Variants in KLF11 observed in about 807,000 individuals in gnomAD.
The protein encoded by KLF11 is Krueppel-like factor 11.
A neutral mutation model predicts 29.9 loss-of-function variants in KLF11; 26 were observed. That is an observed-to-expected ratio of 0.87 (90% CI 0.64 to 1.21). The LOEUF is 1.21. Among genes scored for constraint, KLF11 ranks in the 50% most tolerant of loss-of-function variants. KLF11 has a pLI of 0.00. For missense variants in KLF11, 778 were observed against 665.7 expected (o/e 1.17, Z -1.86); for synonymous variants, 318 against 257.4 (o/e 1.24, Z -2.25).
intron 1 of KLF11, among the ~76,000 whole-genome samples, chr2:10,045,762 A>G (rs988941389): frequency 2.0e-5 from 3 of 152,268 alleles, no homozygotes; most frequent in African/African-American, 7.2e-5. Flanking sequence ...GGCCACTGGC[A>G]GACCGACTAG....
At chr2:10,044,572 G>A (rs1661120995) in intron 1 of KLF11, 1 of 333,890 alleles carries the variant, frequency 3.0e-6, no homozygotes, top group South Asian at 1.2e-4. Context: ...AACCTCGGCA[G>A]ACGGAAAGCT....
intron 1 of KLF11, 39 bp from the exon 2 acceptor site, chr2:10,046,111 C>T: frequency 6.2e-7 from 1 of 1,612,296 alleles, no homozygotes; most frequent in Non-Finnish European, 8.5e-7. Flanking sequence ...CTCTGTATTT[C>T]CCCTGCACTG....
At position 10,043,685 on chromosome 2, in the gene KLF11, G is replaced by T; in HGVS notation, c.-32G>T. On this transcript the variant is annotated 5_prime_UTR_variant, in exon 1 of 4. Coordinates refer to ENST00000305883, the MANE Select transcript of KLF11 (RefSeq NM_003597.5). ...TGCTGCGCCCGAGCTCACGCCCCGC[G>T]GCCGCTTTGTTGCTCCCGGCCGGCC... 1 of 1,298,754 alleles carries T rather than the reference G, an allele frequency of 7.7e-7. No individual in the cohort carries two copies. Among genetic ancestry groups the T allele is most frequent in the South Asian group, 1.4e-5 (1 of 73,338 alleles). 80.5% of individuals were successfully genotyped at this position (1,298,754 alleles called of 1,614,324 possible). A position where few individuals can be genotyped will look rare whatever the true frequency, so the allele number is the denominator to read the frequency against.
rs2125274142 is a variant in KLF11, at chr2:10,043,551, C to T, written c.-166C>T. ...CCGCGGCCGCCCCGCCCCTCCCGCG[C>T]CGCGAGGGCCGCGCCGGGGCAGAGC... is the stretch of plus-strand genomic sequence containing the variant. On this transcript the variant is annotated 5_prime_UTR_variant, in exon 1 of 4. Transcript: ENST00000305883. The T allele has an allele frequency of 1.4e-5, 4 of 283,092 alleles. No individual in the cohort carries two copies. Among genetic ancestry groups the T allele is most frequent in the Non-Finnish European group, 2.1e-5 (4 of 191,128 alleles). The allele number at this position is 283,092 out of a possible 1,614,324, so 17.5% of individuals were successfully genotyped here. A position where few individuals can be genotyped will look rare whatever the true frequency, so the allele number is the denominator to read the frequency against.
rs541661662 is a variant in KLF11 at position 10,047,679 on chromosome 2, C to T, written c.342C>T (p.Leu114=). 61 of 1,613,338 alleles carry T rather than the reference C, an allele frequency of 3.8e-5. No homozygotes were observed. The highest frequency in any genetic ancestry group is 1.3e-4 in the East Asian group (6 of 44,876). The change falls in exon 3 of 4, where the codon CTC becomes CTT. Residue 114 remains leucine, a synonymous_variant. Coordinates refer to ENST00000305883, the MANE Select transcript of KLF11 (RefSeq NM_003597.5). ...TAACTCCTCCTCAGAGCCCTGATCT[C>T]GTGGAGCCATCGACAAGGACACCTG... ...LCITPPQSPD[L]VEPSTRTPVS...
chr2:10,046,306 T>A lies in KLF11; in HGVS notation c.199T>A (p.Leu67Met), dbSNP rs1389579110. Residue 67 changes from leucine (L) to methionine (M), a missense_variant, in exon 2 of 4, where the codon TTG becomes ATG. Transcript: ENST00000305883. Reference protein sequence around the residue: ...WGQRSQKGDLLRIRPLTPVSD... With the variant: ...WGQRSQKGDLMRIRPLTPVSD... The stretch of plus-strand genomic sequence containing the variant: ...TCAAAGATCCCAGAAAGGTGACCTG[T>A]TGCGGATAAGACCCCTCACGCCTGT... The A allele has an allele frequency of 6.2e-7, 1 of 1,614,212 alleles. No homozygotes were observed. Among genetic ancestry groups the A allele is most frequent in the African/African-American group, 1.3e-5 (1 of 75,036 alleles).
chr2:10,048,175 G>T lies in KLF11; in HGVS notation c.838G>T (p.Val280Phe), dbSNP rs548146556. Residue 280 changes from valine to phenylalanine, a missense_variant, in exon 3 of 4, where the codon GTC (valine) becomes TTC (phenylalanine). Physicochemically the swap from Val to Phe is conservative, Grantham distance 50 (BLOSUM62 -1). Transcript: ENST00000305883. Reference protein sequence around the residue: ...RKTTPLISVSVPAPPVLCQMI... With the variant: ...RKTTPLISVSFPAPPVLCQMI... ...AACCACCCCTCTGATTTCTGTCTCT[G>T]TCCCTGCTCCCCCTGTCCTTTGCCA... 6.2e-7 allele frequency: 1 copy of T among 1,614,186 alleles called. No homozygotes were observed. Among genetic ancestry groups the T allele is most frequent in the East Asian group, 2.2e-5 (1 of 44,882 alleles).
At position 10,044,457 on chromosome 2, in the gene KLF11, T is replaced by C. The variant is rs145278934; in HGVS notation, c.42+699T>C. On this transcript the variant is annotated intron_variant, in intron 1 of 3. Transcript: ENST00000305883. ...AGCCCCTTCCCGCCCGTGTGGTGAG[T>C]CGGCCTCGGCGCCCGGTTCTGTGAC... 1,192 of 984,904 alleles carry C rather than the reference T, an allele frequency of 1.2e-3. 14 individuals are homozygous for C. The African/African-American group carries it at 0.02, about 16-fold the overall frequency. The allele number at this position is 984,904 out of a possible 1,614,324, so 61.0% of individuals were successfully genotyped here.
intron 1 of KLF11, chr2:10,043,985 G>A: frequency 1.2e-6 from 1 of 848,766 alleles, no homozygotes; most frequent in Non-Finnish European, 1.4e-6. Flanking sequence ...TCCCCGCGCA[G>A]CTTTGTCTTG....
chr2:10,044,952 C>G (rs1485800182), intron 1 of KLF11, among the ~76,000 whole-genome samples: 1 of 152,190 alleles, frequency 6.6e-6, no homozygotes, highest in Non-Finnish European at 1.5e-5. Flanking sequence ...TCGAGACCAG[C>G]TTGACCAACA....
intron 1 of KLF11, chr2:10,044,064 T>A: frequency 4.3e-6 from 3 of 705,034 alleles, no homozygotes; most frequent in Non-Finnish European, 5.2e-6. Flanking sequence ...CCCGGTCCTG[T>A]GAGCCGGACG....
At chr2:10,047,588 T>G in intron 2 of KLF11, 62 bp from the exon 3 acceptor site, 1 of 1,327,728 alleles carries the variant, frequency 7.5e-7, no homozygotes, top group South Asian at 1.2e-5. Flanking sequence ...GGGAGCATTG[T>G]GATGAATTAA....
At chr2:10,043,791 C>A (rs1331848712) in intron 1 of KLF11, 33 bp downstream of exon 1, 1 of 1,352,320 alleles carries the variant, frequency 7.4e-7, no homozygotes, top group South Asian at 1.3e-5. Flanking sequence ...CGGGACTACT[C>A]GTCTGAGCGA....
In KLF11 at chr2:10,048,369, C is replaced by G; in HGVS notation, c.1032C>G (p.Pro344=). 1 of 1,612,014 alleles carries G rather than the reference C, an allele frequency of 6.2e-7. No homozygotes were observed. Among genetic ancestry groups the G allele is most frequent in the African/African-American group, 1.3e-5 (1 of 75,016 alleles). ...VPQGAVMLVL[P]QGALPPPAPC... ...AGGGAGCTGTGATGTTGGTCCTGCC[C>G]CAGGGAGCCCTCCCTCCGCCTGCCC... The change falls in exon 3 of 4, where the codon CCC becomes CCG. Residue 344 remains proline (P), a synonymous_variant. Transcript: ENST00000305883.
chr2:10,044,521 G>T (rs1412354029), intron 1 of KLF11: 4 of 871,516 alleles, frequency 4.6e-6, no homozygotes, highest in Non-Finnish European at 5.5e-6. Context: ...CGGGACAGAG[G>T]CCGGGGATTT....
chr2:10,052,434 T>A lies in KLF11; in HGVS notation c.1466T>A (p.Val489Asp), dbSNP rs755600605. The change falls in exon 4 of 4, where the codon GTT becomes GAT. Residue 489 changes from valine (V) to aspartate (D), a missense_variant. Val to Asp is a radical substitution (Grantham distance 152). Coordinates refer to ENST00000305883, the MANE Select transcript of KLF11 (RefSeq NM_003597.5). ...AAGATCCCAGGCTGGCAGGCAGAGG[T>A]TGGCAAGCTGAACAGAATCGCCTCT... ...TKKIPGWQAE[V>D]GKLNRIASAE... 1.2e-6 allele frequency: 2 copies of A among 1,613,800 alleles called. No homozygotes were observed. The highest frequency in any genetic ancestry group is 1.7e-5 in the Admixed American group (1 of 59,998).
chr2:10,051,642 C>G (rs1661408412), intron 3 of KLF11, among the ~76,000 whole-genome samples: 1 of 152,092 alleles, frequency 6.6e-6, no homozygotes, highest in East Asian at 1.9e-4. Context: ...CTTAGCCTCC[C>G]AAGTAGCTGG....
In KLF11 at chr2:10,052,307, A is replaced by G. The variant is rs1309337076; in HGVS notation, c.1339A>G (p.Thr447Ala). ...RSDELSRHRR[T>A]HTGEKKFVCP... ...GGATGAGCTGTCACGCCACCGCAGA[A>G]CTCACACAGGGGAGAAGAAGTTTGT... The change falls in exon 4 of 4, where the codon ACT (threonine) becomes GCT (alanine). Residue 447 changes from threonine to alanine, a missense_variant. Physicochemically the swap from Thr to Ala is moderately conservative, Grantham distance 58. Coordinates refer to ENST00000305883, the MANE Select transcript of KLF11 (RefSeq NM_003597.5). 2 of 1,614,142 alleles carry G rather than the reference A, an allele frequency of 1.2e-6. No homozygotes were observed. Among genetic ancestry groups the G allele is most frequent in the Non-Finnish European group, 1.7e-6 (2 of 1,180,030 alleles).
chr2:10,049,726 G>T (rs1293760468), intron 3 of KLF11, among the ~76,000 whole-genome samples: 1 of 152,186 alleles, frequency 6.6e-6, no homozygotes, highest in Non-Finnish European at 1.5e-5. Flanking sequence ...GTTTATTGTA[G>T]GTCTTACTAT....
Sources: gnomAD v4.1 joint callset for allele counts (sites outside exome capture counted in the v4.1 genomes callset) on GRCh38, gnomAD v4.1.1 for gene constraint, MANE v1.5 for transcripts, NCBI Gene and HGNC (gene_info 2026-07-23, HGNC 2026-07-21) for gene names.